The following DRD1 variants were observed in gnomAD, a reference collection of about 807,000 sequenced individuals.
DRD1 encodes the protein D(1A) dopamine receptor.
DRD1 carries 2 observed loss-of-function variants against 23.8 expected under a neutral mutation model. The observed-to-expected ratio is 0.08, with a 90% CI of 0.03 to 0.26. DRD1 has a LOEUF of 0.26. Among genes scored for constraint, DRD1 ranks in the 10% least tolerant of loss-of-function variants. The pLI is 1.00. For missense variants in DRD1, 376 were observed against 559.0 expected (o/e 0.67, Z 3.30); for synonymous variants, 218 against 225.7 (o/e 0.97, Z 0.30).
Position 175,441,972 on chromosome 5 carries a change from C to T in DRD1, c.1128G>A (p.Glu376=), listed in dbSNP as rs1389274476. 12 of 1,614,172 alleles carry T rather than the reference C, an allele frequency of 7.4e-6. No homozygotes were observed. In the South Asian group the frequency reaches 1.3e-4, roughly 18 times the overall value. ...NGAAMFSSHH[E]PRGSISKECN... is the part of the protein sequence containing the mutation. ...ACTCCTTGGAGATGGAGCCTCGTGG[C>T]TCATGATGGCTGGAAAACATCGCGG... Residue 376 remains glutamate (E), a synonymous_variant, in exon 2 of 2, where the codon GAG becomes GAA. Transcript: ENST00000393752.
At position 175,442,476 on chromosome 5, in the gene DRD1, G is replaced by A. The variant is rs1758541937; in HGVS notation, c.624C>T (p.Ala208=). 6.2e-7 allele frequency: 1 copy of A among 1,614,010 alleles called. No individual in the cohort carries two copies. Among genetic ancestry groups the A allele is most frequent in the African/African-American group, 1.3e-5 (1 of 74,896 alleles). Residue 208 remains alanine, a synonymous_variant, in exon 2 of 2, where the codon GCC becomes GCT. Transcript: ENST00000393752. The surrounding 1 kb of genome is among the most constrained non-coding windows in gnomAD (Gnocchi z 7.3). Reference sequence around the variant, plus strand: ...TCCTGGTGTAGGTGACAATCATGATGGCCACAGGGATGTAAAAGCTTATTA... The same window carrying A: ...TCCTGGTGTAGGTGACAATCATGATAGCCACAGGGATGTAAAAGCTTATTA... ...SSVISFYIPV[A]IMIVTYTRIY...
rs1758510353 is a variant in DRD1, at chr5:175,441,025, T to C, written c.*734A>G. 1 of 152,654 alleles carries C rather than the reference T, an allele frequency of 6.6e-6. No homozygotes were observed. Among genetic ancestry groups the C allele is most frequent in the Non-Finnish European group, 1.5e-5 (1 of 68,048 alleles). 9.5% of individuals were successfully genotyped at this position (152,654 alleles called of 1,614,324 possible). On this transcript the variant is annotated 3_prime_UTR_variant, in exon 2 of 2. Coordinates refer to ENST00000393752, the MANE Select transcript of DRD1 (RefSeq NM_000794.5). Reference sequence around the variant, plus strand: ...CTTTATTCCCTTATCTATCAGTTTCTGCTGTGTTTCTAGAAGTTACACATG... The same window carrying C: ...CTTTATTCCCTTATCTATCAGTTTCCGCTGTGTTTCTAGAAGTTACACATG...
In DRD1 at chr5:175,441,923, G is replaced by A; in HGVS notation, c.1177C>T (p.His393Tyr). Residue 393 changes from histidine to tyrosine, a missense_variant, in exon 2 of 2, where the codon CAT becomes TAT. Transcript: ENST00000393752. Reference sequence around the variant, plus strand: ...AGGTCCTCAGAGGAGCCCACAGCATGTGGGATCAGGTAAACCAGATTGCAC... The same window carrying A: ...AGGTCCTCAGAGGAGCCCACAGCATATGGGATCAGGTAAACCAGATTGCAC... Reference protein sequence around the residue: ...KECNLVYLIPHAVGSSEDLKK... With the variant: ...KECNLVYLIPYAVGSSEDLKK... The A allele has an allele frequency of 6.2e-7, 1 of 1,614,184 alleles. No homozygotes were observed. The highest frequency in any genetic ancestry group is 2.2e-5 in the East Asian group (1 of 44,874).
chr5:175,443,861 GA>G lies in DRD1; in HGVS notation c.-647del. On this transcript the variant is annotated 5_prime_UTR_variant, in exon 1 of 2. Coordinates refer to ENST00000393752, the MANE Select transcript of DRD1 (RefSeq NM_000794.5). ...CAAAAATCGCCGGGGTGCGTTTGGG[GA>G]AAGGATCCCAGGCCAGGTCCCAAGA... 6.5e-6 allele frequency: 1 copy of G among 153,532 alleles called. No individual in the cohort carries two copies. The highest frequency in any genetic ancestry group is 2.1e-4 in the South Asian group (1 of 4,840). 9.5% of individuals were successfully genotyped at this position (153,532 alleles called of 1,614,324 possible).
In DRD1 at chr5:175,442,815, G is replaced by A; in HGVS notation, c.285C>T (p.Phe95=). 1 of 1,614,154 alleles carries A rather than the reference G, an allele frequency of 6.2e-7. No individual in the cohort carries two copies. The highest frequency in any genetic ancestry group is 1.1e-5 in the South Asian group (1 of 91,066). Residue 95 remains phenylalanine (F), a synonymous_variant, in exon 2 of 2, where the codon TTC becomes TTT. Transcript: ENST00000393752. This position sits in a 1 kb window ranked among gnomAD's most constrained non-coding sequence, Gnocchi z 7.3. ...EIAGFWPFGS[F]CNIWVAFDIM... ...TGTCAAAGGCCACCCAGATGTTACA[G>A]AAGGACCCAAAGGGCCAGAAGCCAG...
Position 175,442,238 on chromosome 5 carries a change from A to G in DRD1, c.862T>C (p.Phe288Leu). 1 of 1,614,178 alleles carries G rather than the reference A, an allele frequency of 6.2e-7. No individual in the cohort carries two copies. The highest frequency in any genetic ancestry group is 1.3e-5 in the African/African-American group (1 of 75,058). The stretch of plus-strand genomic sequence containing the variant: ...GGCAAAATGCAGTTCAAGATGAAGA[A>G]AGGTAGCCAACAGCACACAAACACA... ...MGVFVCCWLP[F>L]FILNCILPFC... Residue 288 changes from phenylalanine (F) to leucine (L), a missense_variant, in exon 2 of 2, where the codon TTC (phenylalanine) becomes CTC (leucine). Physicochemically the swap from Phe to Leu is conservative, Grantham distance 22 (BLOSUM62 0). This residue lies in a region of DRD1 where 47 missense variants were observed against 106.7 expected (regional missense o/e 0.44). Transcript: ENST00000393752. The surrounding 1 kb of genome is among the most constrained non-coding windows in gnomAD (Gnocchi z 7.3).
At position 175,442,746 on chromosome 5, in the gene DRD1, G is replaced by A. The variant is rs191953032; in HGVS notation, c.354C>T (p.Ser118=). 1.9e-5 allele frequency: 31 copies of A among 1,614,002 alleles called. No homozygotes were observed. The highest frequency in any genetic ancestry group is 4.4e-5 in the South Asian group (4 of 91,066). Residue 118 remains serine, a synonymous_variant, in exon 2 of 2, where the codon AGC becomes AGT. Transcript: ENST00000393752. This position sits in a 1 kb window ranked among gnomAD's most constrained non-coding sequence, Gnocchi z 7.3. ...TASILNLCVI[S]VDRYWAISSP... ...TGGAGATAGCCCAATACCTGTCCAC[G>A]CTGATCACACAGAGGTTGAGGATGG...
chr5:175,441,448 T>C lies in DRD1; in HGVS notation c.*311A>G. On this transcript the variant is annotated 3_prime_UTR_variant, in exon 2 of 2. Coordinates refer to ENST00000393752, the MANE Select transcript of DRD1 (RefSeq NM_000794.5). The stretch of plus-strand genomic sequence containing the variant: ...AAAAATTTGATTTTAAGTGAAGCTG[T>C]TCACTGTTGATTCTTTGCCCTATTT... The C allele has an allele frequency of 4.2e-6, 1 of 236,758 alleles. No homozygotes were observed. The highest frequency in any genetic ancestry group is 8.2e-6 in the Non-Finnish European group (1 of 121,828). 14.7% of individuals were successfully genotyped at this position (236,758 alleles called of 1,614,324 possible).
Position 175,443,069 on chromosome 5 carries a change from C to T in DRD1, c.31G>A (p.Gly11Arg), listed in dbSNP as rs146816422. MRTLNTSAMD[G>R]TGLVVERDFS... Reference sequence around the variant, plus strand: ...TCCCTCTCCACCACCAGCCCAGTCCCGTCCATGGCAGAGGTGTTCAGAGTC... The same window carrying T: ...TCCCTCTCCACCACCAGCCCAGTCCTGTCCATGGCAGAGGTGTTCAGAGTC... The change falls in exon 2 of 2, where the codon GGG becomes AGG. Residue 11 changes from glycine (G) to arginine (R), a missense_variant. Physicochemically the swap from Gly to Arg is moderately radical, Grantham distance 125 (BLOSUM62 -2). Coordinates refer to ENST00000393752, the MANE Select transcript of DRD1 (RefSeq NM_000794.5). 480 of 1,614,108 alleles carry T rather than the reference C, an allele frequency of 3.0e-4. 2 individuals carry two copies. The African/African-American group carries it at 3.9e-3, about 13-fold the overall frequency.
At position 175,441,864 on chromosome 5, in the gene DRD1, G is replaced by A. The variant is rs774397165; in HGVS notation, c.1236C>T (p.Pro412=). ...KKEEAAGIAR[P]LEKLSPALSV... ...ATAGGGCTGGGGACAGCTTCTCCAA[G>A]GGTCTGGCGATGCCAGCTGCCTCCT... The change falls in exon 2 of 2, where the codon CCC becomes CCT. Residue 412 remains proline, a synonymous_variant. Coordinates refer to ENST00000393752, the MANE Select transcript of DRD1 (RefSeq NM_000794.5). 4.3e-6 allele frequency: 7 copies of A among 1,614,020 alleles called. No homozygotes were observed. The highest frequency in any genetic ancestry group is 5.1e-6 in the Non-Finnish European group (6 of 1,180,024).
In DRD1 at chr5:175,443,118, A is replaced by T. The variant is rs369445409; in HGVS notation, c.-19T>A. ...TCCTCATCTTCCTAAGAGAAAGCAC[A>T]TCAGGGGCTCTGACACCCCTCAAGT... On this transcript the variant is annotated 5_prime_UTR_variant, in exon 2 of 2. It removes an upstream start codon present in the reference 5' UTR. Transcript: ENST00000393752. 6.2e-7 allele frequency: 1 copy of T among 1,604,102 alleles called. No homozygotes were observed. Among genetic ancestry groups the T allele is most frequent in the Non-Finnish European group, 8.5e-7 (1 of 1,174,246 alleles).
At position 175,440,660 on chromosome 5, in the gene DRD1, C is replaced by T. The variant is rs1051512042; in HGVS notation, c.*1099G>A. On this transcript the variant is annotated 3_prime_UTR_variant, in exon 2 of 2. Transcript: ENST00000393752. ...GCTACAGATCTCTCTCCAGGAAAGCCATTTGTGTGGTTCAGAAAAACTACC... is the reference window on the plus strand; with the variant it reads ...GCTACAGATCTCTCTCCAGGAAAGCTATTTGTGTGGTTCAGAAAAACTACC... 6.6e-6 allele frequency: 1 copy of T among 152,590 alleles called. No individual in the cohort carries two copies. Among genetic ancestry groups the T allele is most frequent in the Admixed American group, 6.5e-5 (1 of 15,280 alleles). The allele number at this position is 152,590 out of a possible 1,614,324, so 9.5% of individuals were successfully genotyped here. A position where few individuals can be genotyped will look rare whatever the true frequency, so the allele number is the denominator to read the frequency against.
rs1190909027 is a variant in DRD1, at chr5:175,440,374, G to C, written c.*1385C>G. Reference sequence around the variant, plus strand: ...GTCAAAAGAGATGCTGATGGCTTTGGGGGAGCTCAACACACCCAAAGGGAA... The same window carrying C: ...GTCAAAAGAGATGCTGATGGCTTTGCGGGAGCTCAACACACCCAAAGGGAA... On this transcript the variant is annotated 3_prime_UTR_variant, in exon 2 of 2. Transcript: ENST00000393752. The C allele has an allele frequency of 6.6e-6, 1 of 152,124 alleles. No individual in the cohort carries two copies. 9.4% of individuals were successfully genotyped at this position (152,124 alleles called of 1,614,324 possible).
At position 175,440,805 on chromosome 5, in the gene DRD1, C is replaced by T. The variant is rs1758506746; in HGVS notation, c.*954G>A. 6.6e-6 allele frequency: 1 copy of T among 152,582 alleles called. No homozygotes were observed. The highest frequency in any genetic ancestry group is 1.5e-5 in the Non-Finnish European group (1 of 68,030). 9.5% of individuals were successfully genotyped at this position (152,582 alleles called of 1,614,324 possible). ...TAATGCTGGGCTCTTCTTAAGTTGG[C>T]TTTTATTTAAGATATTTACAGAACT... On this transcript the variant is annotated 3_prime_UTR_variant, in exon 2 of 2. Transcript: ENST00000393752.
In DRD1 at chr5:175,441,663, A is replaced by C; in HGVS notation, c.*96T>G. 2.1e-6 allele frequency: 3 copies of C among 1,452,234 alleles called. No homozygotes were observed. The highest frequency in any genetic ancestry group is 2.7e-6 in the Non-Finnish European group (3 of 1,091,310). The allele number at this position is 1,452,234 out of a possible 1,614,324, so 90.0% of individuals were successfully genotyped here. Reference sequence around the variant, plus strand: ...CAGCAGAGGGCTCTCCTGACACCTCAGAGTCTCACCGTACCTTAGTTTCTT... The same window carrying C: ...CAGCAGAGGGCTCTCCTGACACCTCCGAGTCTCACCGTACCTTAGTTTCTT... On this transcript the variant is annotated 3_prime_UTR_variant, in exon 2 of 2. Transcript: ENST00000393752.
In DRD1 at chr5:175,443,822, C is replaced by A. The variant is rs1758565644; in HGVS notation, c.-607G>T. ...CAGCCAGCTGCGCGCAGCAGGGGTT[C>A]GGCTCCCGGTGCGCAAAAATCGCCG... On this transcript the variant is annotated 5_prime_UTR_variant, in exon 1 of 2. Coordinates refer to ENST00000393752, the MANE Select transcript of DRD1 (RefSeq NM_000794.5). The A allele has an allele frequency of 6.5e-6, 1 of 152,698 alleles. No homozygotes were observed. Among genetic ancestry groups the A allele is most frequent in the African/African-American group, 2.4e-5 (1 of 41,456 alleles). The allele number at this position is 152,698 out of a possible 1,614,324, so 9.5% of individuals were successfully genotyped here. A position where few individuals can be genotyped will look rare whatever the true frequency, so the allele number is the denominator to read the frequency against.
chr5:175,441,826 T>G lies in DRD1; in HGVS notation c.1274A>C (p.Asp425Ala), dbSNP rs1422712826. The G allele has an allele frequency of 1.2e-6, 2 of 1,612,988 alleles. No individual in the cohort carries two copies. The highest frequency in any genetic ancestry group is 1.7e-6 in the Non-Finnish European group (2 of 1,179,488). ...KLSPALSVIL[D>A]YDTDVSLEKI... is the part of the protein sequence containing the mutation. Reference sequence around the variant, plus strand: ...CTCCAGAGAGACGTCAGTGTCATAGTCCAATATGACTGATAGGGCTGGGGA... The same window carrying G: ...CTCCAGAGAGACGTCAGTGTCATAGGCCAATATGACTGATAGGGCTGGGGA... The change falls in exon 2 of 2, where the codon GAC (aspartate) becomes GCC (alanine). Residue 425 changes from aspartate (D) to alanine (A), a missense_variant. Asp to Ala is a moderately radical substitution (Grantham distance 126). Around this residue, in one of 5 missense-constraint regions of DRD1, gnomAD observed 117 missense variants for 126.9 expected, o/e 0.92. Coordinates refer to ENST00000393752, the MANE Select transcript of DRD1 (RefSeq NM_000794.5).
Position 175,441,525 on chromosome 5 carries a change from A to T in DRD1, c.*234T>A, listed in dbSNP as rs1444019575. The T allele has an allele frequency of 4.6e-6, 2 of 433,072 alleles. No homozygotes were observed. Among genetic ancestry groups the T allele is most frequent in the Non-Finnish European group, 8.0e-6 (2 of 250,132 alleles). The allele number at this position is 433,072 out of a possible 1,614,324, so 26.8% of individuals were successfully genotyped here. A position where few individuals can be genotyped will look rare whatever the true frequency, so the allele number is the denominator to read the frequency against. ...TCTAAAAACAATTCTGAAGCCAAAG[A>T]CATGTCCCTTATGGCTCCCCATGTT... On this transcript the variant is annotated 3_prime_UTR_variant, in exon 2 of 2. Transcript: ENST00000393752.
At position 175,442,477 on chromosome 5, in the gene DRD1, G is replaced by A. The variant is rs767462851; in HGVS notation, c.623C>T (p.Ala208Val). The A allele has an allele frequency of 1.2e-6, 2 of 1,614,156 alleles. No homozygotes were observed. The highest frequency in any genetic ancestry group is 8.5e-7 in the Non-Finnish European group (1 of 1,180,026). The change falls in exon 2 of 2, where the codon GCC becomes GTC. Residue 208 changes from alanine to valine, a missense_variant. Physicochemically the swap from Ala to Val is moderately conservative, Grantham distance 64. Transcript: ENST00000393752. This position sits in a 1 kb window ranked among gnomAD's most constrained non-coding sequence, Gnocchi z 7.3. ...CCTGGTGTAGGTGACAATCATGATG[G>A]CCACAGGGATGTAAAAGCTTATTAC... Reference protein sequence around the residue: ...SSVISFYIPVAIMIVTYTRIY... With the variant: ...SSVISFYIPVVIMIVTYTRIY...
Sources: allele counts gnomAD v4.1 joint callset, GRCh38; gene constraint gnomAD v4.1.1; regional missense constraint gnomAD v4.1.1; non-coding constraint Gnocchi (gnomAD v3.1); transcripts MANE v1.5; gene names NCBI Gene and HGNC (gene_info 2026-07-23, HGNC 2026-07-21).